ESR1: variants seen among roughly 807,000 people sequenced by gnomAD.
The protein encoded by ESR1 is estrogen receptor 1.
A neutral mutation model predicts 52.7 loss-of-function variants in ESR1; 12 were observed. The ratio of observed to expected loss-of-function variants is 0.23; its 90% CI spans 0.15 to 0.37. The LOEUF is 0.37. Among genes scored for constraint, ESR1 ranks in the 10% least tolerant of loss-of-function variants. ESR1 has a pLI of 1.00. For synonymous variants in ESR1, 305 were observed against 316.8 expected, an observed-to-expected ratio of 0.96 and a Z score of 0.39; for missense variants, 584 against 779.7, an observed-to-expected ratio of 0.75 and a Z score of 2.99.
intron 2 of ESR1, among the ~76,000 whole-genome samples, chr6:151,766,273 C>G (rs1477913903): frequency 6.6e-6 from 1 of 152,070 alleles, no homozygotes; most frequent in Non-Finnish European, 1.5e-5. Context: ...TCCTGAAGAC[C>G]AACAACATTT....
chr6:151,658,069 A>G (rs1224541301), intron 1 of ESR1, among the ~76,000 whole-genome samples: 14 of 152,186 alleles, frequency 9.2e-5, no homozygotes, highest in Non-Finnish European at 1.5e-5. Flanking sequence ...TTACTCTCCA[A>G]TTAGATTTTA....
chr6:151,895,534 G>A (rs1795360105), intron 3 of ESR1, among the ~76,000 whole-genome samples: 1 of 152,124 alleles, frequency 6.6e-6, no homozygotes, highest in Admixed American at 6.6e-5. Context: ...TATCATAGAT[G>A]CCTTTTATTA....
At chr6:151,935,270 G>T (rs2128496349) in intron 3 of ESR1, among the ~76,000 whole-genome samples, 1 of 152,276 alleles carries the variant, frequency 6.6e-6, no homozygotes, top group South Asian at 2.1e-4. Flanking sequence ...CACTTCAGCA[G>T]AAAAAGAAAT....
At chr6:151,882,150 G>C (rs1424140711) in intron 3 of ESR1, among the ~76,000 whole-genome samples, 1 of 152,166 alleles carries the variant, frequency 6.6e-6, no homozygotes, top group African/African-American at 2.4e-5. Context: ...GACGCAGGAG[G>C]AAGGAGAGGA....
intron 2 of ESR1, among the ~76,000 whole-genome samples, chr6:151,721,798 T>C (rs901147747): frequency 1.3e-5 from 2 of 152,224 alleles, no homozygotes; most frequent in Non-Finnish European, 2.9e-5. Flanking sequence ...GCTTTTGGCA[T>C]AGCTGTTCAA....
At chr6:151,793,546 T>C (rs1300248303) in intron 2 of ESR1, among the ~76,000 whole-genome samples, 1 of 152,228 alleles carries the variant, frequency 6.6e-6, no homozygotes, top group Non-Finnish European at 1.5e-5. Flanking sequence ...TGCCAGACTT[T>C]TATACAACTG....
At chr6:151,690,178 C>A (rs1778847891), upstream of ESR1, among the ~76,000 whole-genome samples, 1 of 152,164 alleles carries the variant, frequency 6.6e-6, no homozygotes, top group African/African-American at 2.4e-5. Flanking sequence ...CTGTAGCTAA[C>A]TTTGGATTAA....
chr6:152,073,964 T>A (rs1020057582), intron 6 of ESR1, among the ~76,000 whole-genome samples: 1 of 152,158 alleles, frequency 6.6e-6, no homozygotes, highest in African/African-American at 2.4e-5. Flanking sequence ...GACTTTATTT[T>A]TTAGAACAGA....
At chr6:152,106,428 T>C (rs1448941129), downstream of ESR1, among the ~76,000 whole-genome samples, 1 of 152,202 alleles carries the variant, frequency 6.6e-6, no homozygotes, top group Non-Finnish European at 1.5e-5. Flanking sequence ...CATTTAGTAT[T>C]TTTTGTAAAG....
In ESR1 at chr6:151,753,409, C is replaced by T. The variant is rs552237696; in HGVS notation, c.-71+51404C>T. On this transcript the variant is annotated intron_variant, in intron 2 of 2. Transcript: ENST00000404742. ...CTTGGCTCACTGCAACCTCCACCTCCGTGGTTCAAGCGATTCTCCTGCCTC... is the reference window on the plus strand; with the variant it reads ...CTTGGCTCACTGCAACCTCCACCTCTGTGGTTCAAGCGATTCTCCTGCCTC... 5.9e-5 allele frequency among the ~76,000 whole-genome samples: 9 copies of T among 151,966 alleles called. No homozygotes were observed. The East Asian group carries it at 7.7e-4, about 13-fold the overall frequency.
chr6:151,733,581 C>G (rs1782419305), intron 2 of ESR1, among the ~76,000 whole-genome samples: 2 of 152,198 alleles, frequency 1.3e-5, no homozygotes. Context: ...TCACAACAAT[C>G]TTACGAAATT....
chr6:151,866,634 A>G (rs1789959342), intron 2 of ESR1, among the ~76,000 whole-genome samples: 1 of 152,188 alleles, frequency 6.6e-6, no homozygotes. Flanking sequence ...AGCTTCATCC[A>G]TGTCCCTATA....
At chr6:151,672,663 A>C (rs1002807218) in intron 1 of ESR1, among the ~76,000 whole-genome samples, 8 of 149,820 alleles carry the variant, frequency 5.3e-5, no homozygotes, top group South Asian at 4.2e-4. Context: ...AATAGAGACG[A>C]GGTTTCACCA....
intron 2 of ESR1, among the ~76,000 whole-genome samples, chr6:151,848,490 A>AT (rs201813232): frequency 2.3e-5 from 3 of 128,082 alleles, no homozygotes; most frequent in African/African-American, 9.9e-5. Context: ...AAAAAAAAAA[A>AT]TTTAAAAAAA....
intron 5 of ESR1, among the ~76,000 whole-genome samples, chr6:152,058,951 T>TTAGCATACACTAATCATA (rs1207874762): frequency 8.5e-4 from 130 of 152,308 alleles, no homozygotes; most frequent in Admixed American, 6.3e-3. Flanking sequence ...ATCTTAGAGG[T>TTAGCATACACTAATCATA]CACTTCTAAG....
chr6:151,930,047 G>A (rs1472200565), intron 3 of ESR1, among the ~76,000 whole-genome samples: 4 of 151,112 alleles, frequency 2.6e-5, no homozygotes, highest in East Asian at 1.9e-4. Context: ...GCAATGGTGC[G>A]ATCTTGGCTT....
At chr6:151,884,442 T>C (rs1158714291) in intron 3 of ESR1, among the ~76,000 whole-genome samples, 1 of 152,240 alleles carries the variant, frequency 6.6e-6, no homozygotes, top group African/African-American at 2.4e-5. Context: ...ACAATCCACT[T>C]TCTTAACCAG....
At chr6:151,764,801 C>T (rs1015086034) in intron 2 of ESR1, among the ~76,000 whole-genome samples, 1 of 152,156 alleles carries the variant, frequency 6.6e-6, no homozygotes, top group African/African-American at 2.4e-5. Flanking sequence ...GTCTGTTACA[C>T]GTTTGCTTTA....
At chr6:151,853,262 T>C (rs538990348) in intron 2 of ESR1, among the ~76,000 whole-genome samples, 1 of 150,038 alleles carries the variant, frequency 6.7e-6, no homozygotes, top group African/African-American at 2.5e-5. Flanking sequence ...ACTTCAGGTA[T>C]TGGTAAATTT....
Sources: gnomAD v4.1 joint callset for allele counts (sites outside exome capture counted in the v4.1 genomes callset) on GRCh38, gnomAD v4.1.1 for gene constraint, MANE v1.5 for transcripts, NCBI Gene and HGNC (gene_info 2026-07-23, HGNC 2026-07-21) for gene names.